The following EML2 variants were observed in gnomAD, a reference collection of about 807,000 sequenced individuals.
The protein encoded by EML2 is EMAP like 2, also known as echinoderm microtubule-associated protein-like 2.
Under a neutral mutation model 84.7 loss-of-function variants are expected in EML2, and 59 were observed. The observed-to-expected ratio is 0.70, with a 90% CI of 0.56 to 0.86. The LOEUF is 0.86. Ranked by LOEUF, EML2 falls within the 40% of genes least tolerant of loss-of-function variation. EML2 has a pLI of 0.00. For missense variants in EML2, 818 were observed against 855.6 expected (o/e 0.96, Z 0.55); for synonymous variants, 352 against 348.9 (o/e 1.01, Z -0.10).
In EML2 at chr19:45,613,558, G is replaced by A. The variant is rs537364147; in HGVS notation, c.1807C>T (p.Pro603Ser). ...DFGKVHLFSY[P>S]CCQPRALSHK... is the part of the protein sequence containing the mutation. ...GGACTCACTCGAGGCTGACAGCAGG[G>A]GTAGCTAAACAGGTGAACTTTGCCA... The change falls in exon 18 of 19, where the codon CCC becomes TCC. Residue 603 changes from proline (P) to serine (S), a missense_variant. Coordinates refer to ENST00000245925, the MANE Select transcript of EML2 (RefSeq NM_012155.4). 1.9e-6 allele frequency: 3 copies of A among 1,613,980 alleles called. No individual in the cohort carries two copies. Among genetic ancestry groups the A allele is most frequent in the East Asian group, 2.2e-5 (1 of 44,874 alleles).
rs1373415951 is a variant in EML2, at chr19:45,616,780, C to A, written c.1396G>T (p.Val466Phe). Residue 466 changes from valine to phenylalanine, a missense_variant, in exon 14 of 19, where the codon GTC (valine) becomes TTC (phenylalanine). Physicochemically the swap from Val to Phe is conservative, Grantham distance 50. Coordinates refer to ENST00000245925, the MANE Select transcript of EML2 (RefSeq NM_012155.4). ...TGCCGCTTACCTGGGGAGAAGCTGA[C>A]CACTGAGATCTGTTCATTGCCGTCT... Reference protein sequence around the residue: ...HTDGNEQISVVSFSPDGAYLA... With the variant: ...HTDGNEQISVFSFSPDGAYLA... The A allele has an allele frequency of 6.2e-7, 1 of 1,613,066 alleles. No individual in the cohort carries two copies. The highest frequency in any genetic ancestry group is 1.3e-5 in the African/African-American group (1 of 74,908).
upstream of EML2, chr19:45,641,791 G>T: frequency 6.5e-7 from 1 of 1,529,280 alleles, no homozygotes; most frequent in Non-Finnish European, 8.8e-7. Context: ...TTCTAGGCCA[G>T]CAGGCGAGTG....
At chr19:45,639,873 A>G (rs532662542), upstream of EML2, among the ~76,000 whole-genome samples, 1 of 152,254 alleles carries the variant, frequency 6.6e-6, no homozygotes, top group East Asian at 1.9e-4. Flanking sequence ...TGGCGCCTGT[A>G]ATCCCAGCTA....
chr19:45,615,747 G>A, intron 16 of EML2, 55 bp downstream of exon 16: 1 of 1,473,302 alleles, frequency 6.8e-7, no homozygotes, highest in Non-Finnish European at 9.5e-7. Flanking sequence ...CAGAACTCAG[G>A]GAAGTCTGCA....
At chr19:45,642,418 C>G (rs1196819170), upstream of EML2, 2 of 1,490,586 alleles carry the variant, frequency 1.3e-6, no homozygotes, top group Non-Finnish European at 1.8e-6. Flanking sequence ...GGGTCCCTCC[C>G]GCCTTCCTGG....
At chr19:45,628,138 G>A (rs946698831) in intron 7 of EML2, among the ~76,000 whole-genome samples, 7 of 151,900 alleles carry the variant, frequency 4.6e-5, no homozygotes, top group South Asian at 2.1e-4. Context: ...TTGGGAGGCC[G>A]AGGCAGGCGG....
At chr19:45,621,724 C>T in intron 9 of EML2, 87 bp from the exon 10 acceptor site, 2 of 1,387,524 alleles carry the variant, frequency 1.4e-6, no homozygotes, top group Non-Finnish European at 1.9e-6. Context: ...AAGCCTATGT[C>T]CATCCATTCT....
chr19:45,638,372 A>G (rs1420382310), intron 3 of EML2, 133 bp downstream of exon 3: 1 of 1,274,548 alleles, frequency 7.8e-7, no homozygotes, highest in African/African-American at 1.5e-5. Flanking sequence ...TGTGTTGCCC[A>G]GGCAGGTCTC....
In EML2 at chr19:45,615,794, G is replaced by A. The variant is rs747227225; in HGVS notation, c.1597+8C>T. ...GGAAGTAATGTCTCTGGGTCCCGGA[G>A]AACTCACAGTACAGAATCTCATAGT... On this transcript the variant is annotated splice_region_variant and intron_variant, in intron 16 of 18. Coordinates refer to ENST00000245925, the MANE Select transcript of EML2 (RefSeq NM_012155.4). 4.3e-6 allele frequency: 7 copies of A among 1,611,786 alleles called. No homozygotes were observed. The South Asian group carries it at 5.5e-5, about 13-fold the overall frequency.
chr19:45,614,301 C>T (rs974707999), intron 17 of EML2, among the ~76,000 whole-genome samples: 5 of 152,210 alleles, frequency 3.3e-5, no homozygotes, highest in Middle Eastern at 3.2e-3. Flanking sequence ...GCCAAGCCCA[C>T]GGCAGGCACA....
At chr19:45,645,313 G>A, upstream of EML2, 2 of 1,533,192 alleles carry the variant, frequency 1.3e-6, no homozygotes, top group Non-Finnish European at 1.7e-6. Flanking sequence ...CGTACAGGCC[G>A]CAGAAGGCCG....
In EML2 at chr19:45,639,357, C is replaced by T; in HGVS notation, c.20G>A (p.Gly7Asp). 1 of 1,294,926 alleles carries T rather than the reference C, an allele frequency of 7.7e-7. No individual in the cohort carries two copies. Among genetic ancestry groups the T allele is most frequent in the South Asian group, 2.8e-5 (1 of 35,888 alleles). The allele number at this position is 1,294,926 out of a possible 1,614,324, so 80.2% of individuals were successfully genotyped here. ...GGGGTGGTCTGCGAAAGGGTCTCAC[C>T]CAGCTCCAAAGCTACTCATGGCGGC... MSSFGA[G>D]KTKEVIFSVE... Residue 7 changes from glycine (G) to aspartate (D), a missense_variant and splice_region_variant, in exon 1 of 19, where the codon GGC becomes GAC. Transcript: ENST00000245925.
chr19:45,621,055 C>G, intron 11 of EML2, 152 bp downstream of exon 11: 1 of 1,206,628 alleles, frequency 8.3e-7, no homozygotes, highest in Non-Finnish European at 1.2e-6. Flanking sequence ...GTTGCTGGAT[C>G]CTGGGAAGGG....
chr19:45,618,236 GTT>G (rs1230205395), intron 12 of EML2, among the ~76,000 whole-genome samples: 1 of 125,354 alleles, frequency 8.0e-6, no homozygotes. Context: ...GCTAATTTTT[GTT>G]TTTTTTTTTT....
chr19:45,620,914 T>G (rs1307645848), intron 11 of EML2: 7 of 497,192 alleles, frequency 1.4e-5, no homozygotes, highest in Non-Finnish European at 2.7e-5. Context: ...CCAGGGTGTC[T>G]GCAGCTGTGG....
rs376739909 is a variant in EML2 at position 45,626,845 on chromosome 19, G to T, written c.607-6C>A. 2.7e-5 allele frequency: 44 copies of T among 1,606,910 alleles called. 2 individuals are homozygous for T. The South Asian group carries it at 2.9e-4, about 10-fold the overall frequency. ...AATACAGCCTCATTGGAGCACTTTG[G>T]GGGGTGGGGGAGATTCTGAATGAGG... On this transcript the variant is annotated splice_polypyrimidine_tract_variant and splice_region_variant and intron_variant, in intron 7 of 18. Coordinates refer to ENST00000245925, the MANE Select transcript of EML2 (RefSeq NM_012155.4).
upstream of EML2, chr19:45,644,998 C>T (rs1028299624): frequency 2.7e-5 from 15 of 546,888 alleles, no homozygotes; most frequent in African/African-American, 2.7e-4. Context: ...CAGGCCGTTC[C>T]CCCTTCCAAT....
upstream of EML2, chr19:45,643,595 C>T (rs990635715): frequency 2.6e-6 from 4 of 1,536,040 alleles, no homozygotes; most frequent in South Asian, 4.8e-5. Context: ...TCATTGCTGA[C>T]CACAACCAAG....
chr19:45,609,859 C>A lies in EML2; in HGVS notation c.1825-71G>T. 3.9e-6 allele frequency: 6 copies of A among 1,521,348 alleles called. No homozygotes were observed. In the South Asian group the frequency reaches 4.9e-5, roughly 13 times the overall value. 94.2% of individuals were successfully genotyped at this position (1,521,348 alleles called of 1,614,324 possible). On this transcript the variant is annotated intron_variant, in intron 18 of 18. Coordinates refer to ENST00000245925, the MANE Select transcript of EML2 (RefSeq NM_012155.4). ...TGCCACCCCATCATGGTCCTCTTGT[C>A]TTGACCCGGTTCTTTTCTGCTCTTC...
Sources: gnomAD v4.1 joint callset for allele counts (sites outside exome capture counted in the v4.1 genomes callset) on GRCh38, gnomAD v4.1.1 for gene constraint, MANE v1.5 for transcripts, NCBI Gene and HGNC (gene_info 2026-07-23, HGNC 2026-07-21) for gene names.